SPMIP3: variants seen among roughly 807,000 people sequenced by gnomAD.
SPMIP3 encodes the protein protein SPMIP3.
At chr1:244,357,704 T>A in the SPMIP3 span, among the ~76,000 whole-genome samples, 342 of 41,494 alleles carry the variant, frequency 8.2e-3, 1 homozygote, top group Non-Finnish European at 0.013. Flanking sequence ...CGAGACTCCA[T>A]CTCAAAAAAA....
chr1:244,387,656 A>T, the SPMIP3 span, among the ~76,000 whole-genome samples: 538 of 152,320 alleles, frequency 3.5e-3, 5 homozygotes, highest in African/African-American at 0.012. Flanking sequence ...AGTTGAAGAA[A>T]GATAAGGTGT....
chr1:244,363,306 G>A, the SPMIP3 span, among the ~76,000 whole-genome samples: 1 of 152,128 alleles, frequency 6.6e-6, no homozygotes, highest in African/African-American at 2.4e-5. Flanking sequence ...TACTCAGGAG[G>A]CTGAGGCAGG....
the SPMIP3 span, among the ~76,000 whole-genome samples, chr1:244,387,797 T>C: frequency 2.0e-5 from 3 of 151,974 alleles, no homozygotes; most frequent in East Asian, 5.8e-4. Flanking sequence ...TGAAGAGAAG[T>C]AGGAAGTGAA....
At chr1:244,354,360 T>C in the SPMIP3 span, among the ~76,000 whole-genome samples, 1 of 150,106 alleles carries the variant, frequency 6.7e-6, no homozygotes, top group Non-Finnish European at 1.5e-5. Context: ...TTTGATTTTT[T>C]TTTTTTTTTT....
the SPMIP3 span, among the ~76,000 whole-genome samples, chr1:244,363,419 C>CAAAG: frequency 5.5e-4 from 83 of 151,656 alleles, 1 homozygote; most frequent in Non-Finnish European, 2.9e-5. Context: ...AACAAACAAA[C>CAAAG]AATCAGATGT....
At chr1:244,364,846 G>A in the SPMIP3 span, 3 of 1,328,316 alleles carry the variant, frequency 2.3e-6, no homozygotes, top group Non-Finnish European at 3.3e-6. Context: ...GCTGCTCAGT[G>A]GTCCAGAGAC....
At chr1:244,378,346 AG>A in the SPMIP3 span, 1 of 950,984 alleles carries the variant, frequency 1.1e-6, no homozygotes, top group Non-Finnish European at 1.6e-6. Context: ...GAGCTGTGGG[AG>A]TCTTGTCAAT....
the SPMIP3 span, chr1:244,378,790 G>C: frequency 1.1e-6 from 1 of 877,282 alleles, no homozygotes; most frequent in Non-Finnish European, 1.7e-6. Flanking sequence ...CTGGGGTGCA[G>C]GAAGAATTTA....
the SPMIP3 span, among the ~76,000 whole-genome samples, chr1:244,372,633 C>CG: frequency 6.6e-6 from 1 of 152,040 alleles, no homozygotes; most frequent in African/African-American, 2.4e-5. Context: ...TTAGTAGAGA[C>CG]TGGGTTTCAC....
chr1:244,360,984 T>C, the SPMIP3 span, among the ~76,000 whole-genome samples: 2 of 151,532 alleles, frequency 1.3e-5, no homozygotes, highest in African/African-American at 4.9e-5. Context: ...AAGACAAATA[T>C]TGCTTGTTCT....
the SPMIP3 span, among the ~76,000 whole-genome samples, chr1:244,380,725 C>G: frequency 6.6e-6 from 1 of 152,134 alleles, no homozygotes; most frequent in Non-Finnish European, 1.5e-5. Flanking sequence ...TAAAGAGTGT[C>G]TCTTTCCATT....
chr1:244,360,462 C>T, the SPMIP3 span, among the ~76,000 whole-genome samples: 4 of 149,820 alleles, frequency 2.7e-5, no homozygotes, highest in African/African-American at 4.9e-5. Flanking sequence ...GCTATGGAAT[C>T]AACCCAAGTG....
the SPMIP3 span, among the ~76,000 whole-genome samples, chr1:244,376,997 G>A: frequency 6.6e-6 from 1 of 151,686 alleles, no homozygotes; most frequent in East Asian, 1.9e-4. Flanking sequence ...TAGTAGAGAC[G>A]GGGTTTCACC....
At chr1:244,356,773 T>C in the SPMIP3 span, among the ~76,000 whole-genome samples, 1 of 152,206 alleles carries the variant, frequency 6.6e-6, no homozygotes, top group East Asian at 1.9e-4. Context: ...AATTGGGGTA[T>C]TGGGTTTCAT....
the SPMIP3 span, among the ~76,000 whole-genome samples, chr1:244,380,030 T>C: frequency 2.0e-5 from 3 of 151,844 alleles, no homozygotes; most frequent in African/African-American, 7.3e-5. Context: ...GGAGGACATG[T>C]AGACACCAAT....
At chr1:244,383,419 A>G in the SPMIP3 span, among the ~76,000 whole-genome samples, 1 of 152,164 alleles carries the variant, frequency 6.6e-6, no homozygotes, top group Non-Finnish European at 1.5e-5. Context: ...CTGAGTCAGG[A>G]GGACTGCTTG....
chr1:244,373,956 T>C, the SPMIP3 span, among the ~76,000 whole-genome samples: 1 of 151,748 alleles, frequency 6.6e-6, no homozygotes, highest in Non-Finnish European at 1.5e-5. Flanking sequence ...CTTCTAAAAA[T>C]ACAAAAATTA....
At chr1:244,381,147 G>A in the SPMIP3 span, among the ~76,000 whole-genome samples, 1 of 152,062 alleles carries the variant, frequency 6.6e-6, no homozygotes, top group African/African-American at 2.4e-5. Context: ...GGTTAGGGCT[G>A]AAGGATGTAC....
the SPMIP3 span, among the ~76,000 whole-genome samples, chr1:244,371,350 G>A: frequency 6.0e-4 from 91 of 152,298 alleles, no homozygotes; most frequent in Admixed American, 2.2e-3. Context: ...GAGTCCGCAC[G>A]TGCTTTCACA....
Sources: allele counts gnomAD v4.1 joint callset (sites outside exome capture counted in the v4.1 genomes callset), GRCh38; gene constraint gnomAD v4.1.1; transcripts MANE v1.5; gene names NCBI Gene and HGNC (gene_info 2026-07-23, HGNC 2026-07-21).